The following RNF144A variants were observed in gnomAD, a reference collection of about 807,000 sequenced individuals.
The protein encoded by RNF144A is E3 ubiquitin-protein ligase RNF144A.
In RNF144A, 11 loss-of-function variants were observed where a neutral mutation model predicts 38.7. The ratio of observed to expected loss-of-function variants is 0.28; its 90% CI spans 0.18 to 0.47. The LOEUF (loss-of-function observed/expected upper bound fraction) is 0.47, where lower values mean the gene tolerates loss of function less well. RNF144A is among the 20% of genes least tolerant of loss of function. The pLI, the probability that RNF144A is intolerant of heterozygous loss-of-function variation, is 0.99. For synonymous variants in RNF144A, 149 were observed against 143.9 expected (o/e 1.04, Z -0.25); for missense variants, 316 against 377.2 (o/e 0.84, Z 1.34).
At chr2:6,981,694 T>C (rs979585292) in intron 2 of RNF144A, among the ~76,000 whole-genome samples, 2 of 152,174 alleles carry the variant, frequency 1.3e-5, no homozygotes, top group African/African-American at 4.8e-5. Context: ...TTCCCACATC[T>C]TCCTGTCTTA....
chr2:6,924,226 G>A (rs1355869450), intron 1 of RNF144A, among the ~76,000 whole-genome samples: 16 of 152,212 alleles, frequency 1.1e-4, no homozygotes, highest in Admixed American at 1.0e-3. Flanking sequence ...AGAATCCTGG[G>A]TACCGTGGTT....
intron 2 of RNF144A, among the ~76,000 whole-genome samples, chr2:6,950,614 T>C (rs1014737461): frequency 1.3e-5 from 2 of 152,176 alleles, no homozygotes; most frequent in African/African-American, 4.8e-5. Flanking sequence ...CAAGAAAATG[T>C]TGTAATGATT....
intron 2 of RNF144A, chr2:6,978,730 C>T (rs1263399300): frequency 2.0e-5 from 3 of 152,646 alleles, no homozygotes; most frequent in Non-Finnish European, 2.9e-5. Context: ...GCAGTCTGAG[C>T]CTGGACCCTG....
chr2:6,960,880 T>A (rs985650802), intron 2 of RNF144A, among the ~76,000 whole-genome samples: 1 of 151,568 alleles, frequency 6.6e-6, no homozygotes, highest in Non-Finnish European at 1.5e-5. Context: ...CTGAAGAAAG[T>A]GCTGGCATGC....
chr2:7,061,302 A>G lies in RNF144A; in HGVS notation c.735-6914A>G, dbSNP rs79260166. Among the ~76,000 whole-genome samples, 164 of 152,282 alleles carry G rather than the reference A, an allele frequency of 1.1e-3. 1 individual carries two copies. Among genetic ancestry groups the G allele is most frequent in the African/African-American group, 3.7e-3 (153 of 41,554 alleles). On this transcript the variant is annotated intron_variant, in intron 6 of 6. Coordinates refer to the RNF144A transcript ENST00000432850. ...TCTCCGAGTTGGTTTCTGACTTCCA[A>G]TGTCAGCACAGAGCTCTCATGGGAG...
At chr2:7,030,960 A>C (rs1672257071) in intron 8 of RNF144A, among the ~76,000 whole-genome samples, 1 of 152,060 alleles carries the variant, frequency 6.6e-6, no homozygotes, top group Admixed American at 6.6e-5. Flanking sequence ...TCGCATGCGC[A>C]GTTCACAACA....
At chr2:6,966,938 C>T (rs1157611446) in intron 2 of RNF144A, among the ~76,000 whole-genome samples, 1 of 152,160 alleles carries the variant, frequency 6.6e-6, no homozygotes, top group Non-Finnish European at 1.5e-5. Context: ...ATCCATGCTT[C>T]TCCCCTGTAC....
intron 2 of RNF144A, among the ~76,000 whole-genome samples, chr2:6,976,243 T>C (rs1668306067): frequency 6.6e-6 from 1 of 152,228 alleles, no homozygotes; most frequent in Non-Finnish European, 1.5e-5. Context: ...TGAGTAATGG[T>C]TGACCTACAG....
intron 6 of RNF144A, among the ~76,000 whole-genome samples, chr2:7,054,312 C>T (rs892147302): frequency 1.8e-4 from 28 of 152,232 alleles, no homozygotes; most frequent in Non-Finnish European, 3.5e-4. Flanking sequence ...ACATAACATT[C>T]ATATCATACA....
rs906317645 is a variant in RNF144A at position 6,994,630 on chromosome 2, A to G, written c.-11-2286A>G. On this transcript the variant is annotated intron_variant, in intron 2 of 8. Coordinates refer to ENST00000320892, the MANE Select transcript of RNF144A (RefSeq NM_014746.6). ...CCCAGAGAGCCGTGTGACGCCTCCA[A>G]TTATCTCACTCCTCAGGACCCACCA... 3.3e-5 allele frequency among the ~76,000 whole-genome samples: 5 copies of G among 152,182 alleles called. No individual in the cohort carries two copies. In the East Asian group the frequency reaches 9.7e-4, roughly 29 times the overall value.
intron 8 of RNF144A, among the ~76,000 whole-genome samples, chr2:7,034,857 C>G (rs1050412035): frequency 6.6e-6 from 1 of 152,106 alleles, no homozygotes; most frequent in Non-Finnish European, 1.5e-5. Flanking sequence ...GGCTGGGGAG[C>G]CTTCGGGAGT....
chr2:7,046,365 G>A (rs964300589), downstream of RNF144A, among the ~76,000 whole-genome samples: 12 of 152,366 alleles, frequency 7.9e-5, no homozygotes, highest in South Asian at 2.1e-4. Context: ...GAGCAGCAGG[G>A]TGGAGAGCTG....
chr2:6,933,185 G>A (rs921503524), intron 1 of RNF144A: 2 of 152,192 alleles, frequency 1.3e-5, no homozygotes, highest in Non-Finnish European at 2.9e-5. Flanking sequence ...AGAAGTGGAG[G>A]GATTCCTTTG....
At chr2:6,935,475 C>T (rs141122172) in intron 1 of RNF144A, among the ~76,000 whole-genome samples, 407 of 152,364 alleles carry the variant, frequency 2.7e-3, no homozygotes, top group Non-Finnish European at 4.3e-3. Flanking sequence ...GAGGGCCCCA[C>T]GGCTCCATCC....
chr2:7,044,235 A>G (rs1419571416), downstream of RNF144A: 13 of 939,930 alleles, frequency 1.4e-5, no homozygotes, highest in Non-Finnish European at 1.6e-5. Context: ...CTGAAGATGG[A>G]AAATATTCTA....
intron 7 of RNF144A, 74 bp from the exon 8 acceptor site, chr2:7,030,052 A>G (rs186588157): frequency 4.7e-5 from 48 of 1,023,008 alleles, no homozygotes; most frequent in Non-Finnish European, 2.0e-5. Flanking sequence ...GAAGAAATGC[A>G]TCAATGGCTG....
chr2:6,937,976 C>T (rs1056532587), intron 1 of RNF144A, among the ~76,000 whole-genome samples: 5 of 152,194 alleles, frequency 3.3e-5, no homozygotes, highest in African/African-American at 7.2e-5. Flanking sequence ...GGAAACACTG[C>T]TCCTCTATTT....
intron 3 of RNF144A, among the ~76,000 whole-genome samples, chr2:7,010,660 G>A (rs1670738096): frequency 6.6e-6 from 1 of 152,136 alleles, no homozygotes; most frequent in Non-Finnish European, 1.5e-5. Context: ...AAACCAAAGT[G>A]GAAAATGAAA....
rs1673065297 is a variant in RNF144A, at chr2:7,041,876, C to G, written c.*2116C>G. The G allele has an allele frequency of 1.0e-6, 1 of 985,466 alleles. No individual in the cohort carries two copies. The allele number at this position is 985,466 out of a possible 1,614,324, so 61.0% of individuals were successfully genotyped here. A position where few individuals can be genotyped will look rare whatever the true frequency, so the allele number is the denominator to read the frequency against. ...TCCCCAGGGCTAGAGCTCAGATGAC[C>G]TTATTTCTAGAGGGACAGGCTGTTC... On this transcript the variant is annotated 3_prime_UTR_variant, in exon 9 of 9. Transcript: ENST00000320892.
Sources: gnomAD v4.1 joint callset for allele counts (sites outside exome capture counted in the v4.1 genomes callset) on GRCh38, gnomAD v4.1.1 for gene constraint, MANE v1.5 for transcripts, NCBI Gene and HGNC (gene_info 2026-07-23, HGNC 2026-07-21) for gene names.